The following DDX54 variants were observed in gnomAD, a reference collection of about 807,000 sequenced individuals.
DDX54 encodes ATP-dependent RNA helicase DDX54.
In DDX54, 67 loss-of-function variants were observed where a neutral mutation model predicts 105.5. The observed-to-expected ratio is 0.64, with a 90% confidence interval of 0.52 to 0.78. DDX54 has a LOEUF of 0.78. Ranked by LOEUF, DDX54 falls within the 30% of genes least tolerant of loss-of-function variation. The probability of loss-of-function intolerance (pLI) is 0.00; values close to 1 mark genes in which losing one functional copy is unlikely to be tolerated. For synonymous variants in DDX54, 514 were observed against 509.9 expected (o/e 1.01, Z -0.11); for missense variants, 1,206 against 1,230.5 (o/e 0.98, Z 0.30).
In DDX54 at chr12:113,165,919, G is replaced by T; in HGVS notation, c.1528C>A (p.Arg510Ser). 3 of 1,613,766 alleles carry T rather than the reference G, an allele frequency of 1.9e-6. No homozygotes were observed. Among genetic ancestry groups the T allele is most frequent in the Middle Eastern group, 1.6e-4 (1 of 6,062 alleles). Residue 510 changes from arginine (R) to serine (S), a missense_variant, in exon 13 of 20, where the codon CGC becomes AGC. Transcript: ENST00000306014. ...EASLELRGLA[R>S]VADNAQQQYV... ...TGCTGCTGGGCGTTATCAGCAACGCGGGCCAGGCCCCGTAGCTCCAGCGAT... is the reference window on the plus strand; with the variant it reads ...TGCTGCTGGGCGTTATCAGCAACGCTGGCCAGGCCCCGTAGCTCCAGCGAT...
In DDX54 at chr12:113,174,720, G is replaced by T. The variant is rs777641592; in HGVS notation, c.988C>A (p.Leu330Met). Residue 330 changes from leucine (L) to methionine (M), a missense_variant, in exon 10 of 20, where the codon CTG becomes ATG. Leu to Met is a conservative substitution (Grantham distance 15). Transcript: ENST00000306014. ...EDTKAAVLLH[L>M]LHNVVRPQDQ... ...TGGGGCCGCACCACGTTGTGCAGCA[G>T]GTGGAGCAGCACGGCAGCCTTGGTG... is the stretch of plus-strand genomic sequence containing the variant. 4 of 1,609,542 alleles carry T rather than the reference G, an allele frequency of 2.5e-6. No individual in the cohort carries two copies. The highest frequency in any genetic ancestry group is 1.7e-6 in the Non-Finnish European group (2 of 1,176,160).
chr12:113,158,912 G>A lies in DDX54; in HGVS notation c.2611C>T (p.Arg871Cys), dbSNP rs529251320. 38 of 1,607,960 alleles carry A rather than the reference G, an allele frequency of 2.4e-5. No individual in the cohort carries two copies. The highest frequency in any genetic ancestry group is 2.0e-4 in the South Asian group (18 of 90,692). ...TTCCGCATCTTGCCCTTCTTGGAGC[G>A]GGCACCCCGGCCGAAGGCGCCCTGC... The part of the protein sequence containing the change: ...LQQGAFGRGA[R>C]SKKGKMRKRM Residue 871 changes from arginine to cysteine, a missense_variant, in exon 20 of 20, where the codon CGC becomes TGC. Physicochemically the swap from Arg to Cys is radical, Grantham distance 180. Coordinates refer to ENST00000306014, the MANE Select transcript of DDX54 (RefSeq NM_024072.4). The surrounding 1 kb of genome is among the most constrained non-coding windows in gnomAD (Gnocchi z 4.9).
Position 113,161,356 on chromosome 12 carries a change from TTC to T in DDX54, c.2325_2326del (p.Lys776AsnfsTer2). The T allele has an allele frequency of 6.2e-7, 1 of 1,613,202 alleles. No individual in the cohort carries two copies. The highest frequency in any genetic ancestry group is 1.1e-5 in the South Asian group (1 of 90,872). Reference sequence around the variant, plus strand: ...TTCGTCCGAGTCACGATCATCAATTTTCTGTTTCTGTTTCCACTTCTGATAGC... The same window carrying T: ...TTCGTCCGAGTCACGATCATCAATTTTGTTTCTGTTTCCACTTCTGATAGC... On this transcript the variant is annotated frameshift_variant, in exon 19 of 20. Transcript: ENST00000306014. LOFTEE classifies it high-confidence loss of function.
At position 113,165,905 on chromosome 12, in the gene DDX54, G is replaced by A. The variant is rs1435654840; in HGVS notation, c.1542C>T (p.Asn514=). 3.7e-6 allele frequency: 6 copies of A among 1,613,810 alleles called. No individual in the cohort carries two copies. Among genetic ancestry groups the A allele is most frequent in the Admixed American group, 1.7e-5 (1 of 60,024 alleles). ...ELRGLARVAD[N]AQQQYVRSRP... Reference sequence around the variant, plus strand: ...GTGAGCGCACATACTGCTGCTGGGCGTTATCAGCAACGCGGGCCAGGCCCC... The same window carrying A: ...GTGAGCGCACATACTGCTGCTGGGCATTATCAGCAACGCGGGCCAGGCCCC... The change falls in exon 13 of 20, where the codon AAC becomes AAT. Residue 514 remains asparagine (N), a synonymous_variant. Coordinates refer to ENST00000306014, the MANE Select transcript of DDX54 (RefSeq NM_024072.4).
At position 113,161,952 on chromosome 12, in the gene DDX54, G is replaced by C; in HGVS notation, c.2241C>G (p.Asp747Glu). Residue 747 changes from aspartate to glutamate, a missense_variant, in exon 18 of 20, where the codon GAC becomes GAG. This residue lies in a region of DDX54 where 961 missense variants were observed against 1,019.1 expected (regional missense o/e 0.94). Coordinates refer to ENST00000306014, the MANE Select transcript of DDX54 (RefSeq NM_024072.4). ...KRFVGQSGQE[D>E]KKKIKTESGR... Reference sequence around the variant, plus strand: ...CGCTCTCTGTCTTAATCTTCTTCTTGTCTTCCTGTCCTGACTGTCCCACAA... The same window carrying C: ...CGCTCTCTGTCTTAATCTTCTTCTTCTCTTCCTGTCCTGACTGTCCCACAA... 1 of 1,613,076 alleles carries C rather than the reference G, an allele frequency of 6.2e-7. No individual in the cohort carries two copies. Among genetic ancestry groups the C allele is most frequent in the Non-Finnish European group, 8.5e-7 (1 of 1,179,868 alleles).
chr12:113,174,185 A>C (rs1458348701), intron 10 of DDX54, among the ~76,000 whole-genome samples: 1 of 152,062 alleles, frequency 6.6e-6, no homozygotes, highest in African/African-American at 2.4e-5. Context: ...TTTCCAAAAA[A>C]AAAAAAAAAG....
intron 10 of DDX54, among the ~76,000 whole-genome samples, chr12:113,174,056 G>T (rs1952368463): frequency 1.3e-5 from 2 of 152,008 alleles, no homozygotes; most frequent in South Asian, 4.1e-4. Context: ...GGTGGCGCCT[G>T]AAGTCTCAGC....
chr12:113,183,130 G>C (rs868395623), intron 1 of DDX54, among the ~76,000 whole-genome samples: 1 of 152,236 alleles, frequency 6.6e-6, no homozygotes, highest in Middle Eastern at 3.2e-3. Context: ...AAAGTGCTGG[G>C]ATTACGGGCA....
Position 113,180,928 on chromosome 12 carries a change from C to T in DDX54, c.304+1G>A, listed in dbSNP as rs778089757. The T allele has an allele frequency of 6.2e-7, 1 of 1,613,624 alleles. No homozygotes were observed. On this transcript the variant is annotated splice_donor_variant, in intron 2 of 19. Transcript: ENST00000306014. LOFTEE classifies it high-confidence loss of function. ...AGTCCCTGATGCCAAGTTGCACCCA[C>T]CCATGGACTGGAAGCCTCCAGACTT...
Position 113,157,592 on chromosome 12 carries a change from G to C in DDX54, c.*1285C>G, listed in dbSNP as rs1203416326. The C allele has an allele frequency of 1.8e-5, 28 of 1,550,918 alleles. No individual in the cohort carries two copies. The highest frequency in any genetic ancestry group is 2.4e-5 in the Non-Finnish European group (28 of 1,146,602). On this transcript the variant is annotated 3_prime_UTR_variant, in exon 20 of 20. Transcript: ENST00000306014. ...GGGCTGGGATGTGACTTCGTGCTGG[G>C]CCCCCCCAGGTGAAGCTGTTCATGC...
intron 1 of DDX54, among the ~76,000 whole-genome samples, chr12:113,184,189 G>C (rs979833909): frequency 6.6e-6 from 1 of 151,942 alleles, no homozygotes; most frequent in African/African-American, 2.4e-5. Context: ...CAGGTGATCC[G>C]CCTGCCTCAG....
At chr12:113,162,095 G>T in intron 17 of DDX54, 98 bp from the exon 18 acceptor site, 1 of 1,152,872 alleles carries the variant, frequency 8.7e-7, no homozygotes, top group Non-Finnish European at 1.3e-6. Context: ...CTCTTGTCAG[G>T]TTGTTGGAGC....
At chr12:113,176,505 T>A (rs1485471407) in intron 7 of DDX54, among the ~76,000 whole-genome samples, 1 of 152,074 alleles carries the variant, frequency 6.6e-6, no homozygotes, top group African/African-American at 2.4e-5. Context: ...AGGCGGAGGT[T>A]GAAATGAGCC....
At chr12:113,184,773 G>T (rs1473258509) in intron 1 of DDX54, among the ~76,000 whole-genome samples, 1 of 152,182 alleles carries the variant, frequency 6.6e-6, no homozygotes, top group Non-Finnish European at 1.5e-5. Context: ...CTGTAGCAAG[G>T]CGTGGCTACA....
intron 18 of DDX54, among the ~76,000 whole-genome samples, 155 bp downstream of exon 18, chr12:113,161,737 AC>A (rs1325486715): frequency 8.2e-6 from 1 of 122,428 alleles, no homozygotes; most frequent in African/African-American, 3.2e-5. Context: ...CGCCCCCAGC[AC>A]CAGGTCCCAT....
rs763076281 is a variant in DDX54, at chr12:113,169,888, A to C, written c.1296T>G (p.Ala432=). ...FLHRVGRVAR[A]GRSGTAYSLV... is the part of the protein sequence containing the mutation. ...AGGAGTAGGCTGTGCCACTTCGGCC[A>C]GCCCGAGCCACACGGCCTGCAGCAA... Residue 432 remains alanine, a synonymous_variant, in exon 12 of 20, where the codon GCT becomes GCG. Transcript: ENST00000306014. 4 of 1,613,192 alleles carry C rather than the reference A, an allele frequency of 2.5e-6. No homozygotes were observed. In the African/African-American group the frequency reaches 5.3e-5, roughly 22 times the overall value.
chr12:113,157,695 G>C lies in DDX54; in HGVS notation c.*1182C>G, dbSNP rs373975214. On this transcript the variant is annotated 3_prime_UTR_variant, in exon 20 of 20. Transcript: ENST00000306014. ...TGCCTCCTAGCCCTGACACAGGTGA[G>C]CAGCGGGAGAGGGAACCCCTGAGAG... The C allele has an allele frequency of 6.5e-7, 1 of 1,549,882 alleles. No homozygotes were observed. The highest frequency in any genetic ancestry group is 1.2e-5 in the South Asian group (1 of 84,042).
Position 113,161,490 on chromosome 12 carries a change from C to G in DDX54, c.2301-108G>C. 2.2e-5 allele frequency: 19 copies of G among 861,076 alleles called. 1 individual carries two copies. The South Asian group carries it at 3.1e-4, about 14-fold the overall frequency. 53.3% of individuals were successfully genotyped at this position (861,076 alleles called of 1,614,324 possible). Reference sequence around the variant, plus strand: ...TCCGTTATCCCAGCCGCAGCTGAAGCTGCTCGGCCCCGCCCCCAGCACACA... The same window carrying G: ...TCCGTTATCCCAGCCGCAGCTGAAGGTGCTCGGCCCCGCCCCCAGCACACA... On this transcript the variant is annotated intron_variant, in intron 18 of 19. Coordinates refer to ENST00000306014, the MANE Select transcript of DDX54 (RefSeq NM_024072.4).
chr12:113,158,653 G>A lies in DDX54; in HGVS notation c.*224C>T, dbSNP rs1185831061. ...TCTTGGCCTGCCTGGCTTTGCTGGC[G>A]AACTCCTGCACACCCTTCAAGGCCC... On this transcript the variant is annotated 3_prime_UTR_variant, in exon 20 of 20. Transcript: ENST00000306014. The surrounding 1 kb of genome is among the most constrained non-coding windows in gnomAD (Gnocchi z 4.9). 8 of 511,124 alleles carry A rather than the reference G, an allele frequency of 1.6e-5. No homozygotes were observed. Among genetic ancestry groups the A allele is most frequent in the African/African-American group, 7.9e-5 (4 of 50,686 alleles). 31.7% of individuals were successfully genotyped at this position (511,124 alleles called of 1,614,324 possible).
Sources: gnomAD v4.1 joint callset for allele counts (sites outside exome capture counted in the v4.1 genomes callset) on GRCh38, gnomAD v4.1.1 for gene constraint, gnomAD v4.1.1 regional missense constraint, Gnocchi (gnomAD v3.1) non-coding constraint, MANE v1.5 for transcripts, NCBI Gene and HGNC (gene_info 2026-07-23, HGNC 2026-07-21) for gene names.